ATP8B4: variants seen among roughly 807,000 people sequenced by gnomAD.
The protein encoded by ATP8B4 is ATPase phospholipid transporting 8B4 (putative).
Under a neutral mutation model 145.6 loss-of-function variants are expected in ATP8B4, and 133 were observed. The ratio of observed to expected loss-of-function variants is 0.91; its 90% confidence interval spans 0.79 to 1.05. The LOEUF is 1.05. Ranked by LOEUF, ATP8B4 falls within the 50% of genes least tolerant of loss-of-function variation. The probability of loss-of-function intolerance (pLI) is 0.00; values close to 1 mark genes in which losing one functional copy is unlikely to be tolerated. For synonymous variants in ATP8B4, 507 were observed against 492.9 expected (o/e 1.03, Z -0.38); for missense variants, 1,458 against 1,425.2 (o/e 1.02, Z -0.37).
chr15:49,983,101 T>C (rs2046298319), intron 10 of ATP8B4, among the ~76,000 whole-genome samples: 1 of 152,144 alleles, frequency 6.6e-6, no homozygotes, highest in Non-Finnish European at 1.5e-5. Flanking sequence ...TCTTACTCAA[T>C]CTACCTTCCC....
intron 1 of ATP8B4, among the ~76,000 whole-genome samples, chr15:50,127,951 C>T (rs1285426133): frequency 3.9e-5 from 6 of 152,142 alleles, no homozygotes; most frequent in Non-Finnish European, 8.8e-5. Context: ...GAGTGTGCCC[C>T]AGTCTCAAGG....
rs766567099 is a variant in ATP8B4 at position 50,125,178 on chromosome 15, C to T, written c.-42-18170G>A. ...AGAAAGGAGTAGTAGAACAATGAAC[C>T]CGATCTGGATCAGTTTCAGGGCTAC... On this transcript the variant is annotated intron_variant, in intron 1 of 3. Coordinates refer to the ATP8B4 transcript ENST00000558829. Among the ~76,000 whole-genome samples the T allele has an allele frequency of 6.1e-4, 93 of 152,250 alleles. No homozygotes were observed. The Middle Eastern group carries it at 0.014, about 22-fold the overall frequency.
chr15:49,991,915 C>A (rs2047074101), intron 9 of ATP8B4, among the ~76,000 whole-genome samples: 2 of 152,026 alleles, frequency 1.3e-5, no homozygotes, highest in African/African-American at 4.8e-5. Flanking sequence ...CATTTATTTC[C>A]CTAATCAAGA....
rs2040138927 is a variant in ATP8B4 at position 49,920,311 on chromosome 15, C to T, written c.1858G>A (p.Ala620Thr). ...CGTTCATCCCTCTCTTCTGTGGCAG[C>T]ATTCGCATCTTCAAGCATCTTATGC... ...EWHKMLEDAN[A>T]ATEERDERIA... is the part of the protein sequence containing the mutation. The change falls in exon 18 of 28, where the codon GCT becomes ACT. Residue 620 changes from alanine (A) to threonine (T), a missense_variant. Transcript: ENST00000284509. 6.2e-7 allele frequency: 1 copy of T among 1,614,078 alleles called. No individual in the cohort carries two copies. The highest frequency in any genetic ancestry group is 1.7e-5 in the Admixed American group (1 of 60,008).
intron 1 of ATP8B4, among the ~76,000 whole-genome samples, chr15:50,107,268 G>A (rs2056731188): frequency 6.6e-6 from 1 of 152,188 alleles, no homozygotes; most frequent in African/African-American, 2.4e-5. Flanking sequence ...CATTCAAATT[G>A]AATCAAATAT....
intron 2 of ATP8B4, among the ~76,000 whole-genome samples, chr15:50,075,059 T>C (rs1159812459): frequency 6.6e-6 from 1 of 152,120 alleles, no homozygotes; most frequent in Non-Finnish European, 1.5e-5. Context: ...ATTCCCTTAA[T>C]CCCATAATTC....
chr15:50,046,603 T>G (rs1056990714), intron 4 of ATP8B4, among the ~76,000 whole-genome samples: 1 of 152,246 alleles, frequency 6.6e-6, no homozygotes, highest in Non-Finnish European at 1.5e-5. Flanking sequence ...TCTATTAATC[T>G]AATCCATCTT....
At chr15:50,074,706 G>T (rs2054066244) in intron 2 of ATP8B4, among the ~76,000 whole-genome samples, 1 of 152,202 alleles carries the variant, frequency 6.6e-6, no homozygotes, top group African/African-American at 2.4e-5. Flanking sequence ...ACTGAGAGCT[G>T]CCCTTAGCTG....
At chr15:49,931,433 C>T (rs1175926022) in intron 15 of ATP8B4, 126 bp from the exon 16 acceptor site, 2 of 911,930 alleles carry the variant, frequency 2.2e-6, no homozygotes, top group Non-Finnish European at 3.3e-6. Flanking sequence ...CTTTCCTGTC[C>T]TCAGATCTTT....
intron 7 of ATP8B4, among the ~76,000 whole-genome samples, chr15:50,007,631 A>G (rs2048405228): frequency 6.6e-6 from 1 of 152,164 alleles, no homozygotes. Flanking sequence ...AATTGTTTTC[A>G]TGACCTTCAT....
At chr15:49,873,709 G>T (rs2033981452) in intron 25 of ATP8B4, among the ~76,000 whole-genome samples, 1 of 152,108 alleles carries the variant, frequency 6.6e-6, no homozygotes, top group Non-Finnish European at 1.5e-5. Flanking sequence ...GTACATACAT[G>T]GCCTAAGTTT....
chr15:49,879,737 C>T, intron 23 of ATP8B4: 1 of 283,176 alleles, frequency 3.5e-6, no homozygotes, highest in Non-Finnish European at 6.5e-6. Context: ...GTACCCCTAA[C>T]ATAGTGCGGG....
At chr15:49,861,438 C>G (rs1038088682) in intron 27 of ATP8B4, among the ~76,000 whole-genome samples, 5 of 148,056 alleles carry the variant, frequency 3.4e-5, no homozygotes, top group Admixed American at 6.7e-5. Flanking sequence ...GTCTGTCTGT[C>G]TGTCTGTCTG....
At chr15:49,951,064 T>G (rs984716477) in intron 14 of ATP8B4, among the ~76,000 whole-genome samples, 1 of 93,646 alleles carries the variant, frequency 1.1e-5, no homozygotes, top group Non-Finnish European at 3.1e-5. Flanking sequence ...TGAGAGACTG[T>G]TTTTTTGTGA....
intron 1 of ATP8B4, among the ~76,000 whole-genome samples, chr15:50,145,018 T>C (rs527499984): frequency 2.0e-5 from 3 of 152,334 alleles, no homozygotes; most frequent in Non-Finnish European, 2.9e-5. Flanking sequence ...TGATATTAAA[T>C]AGAACTTTTT....
intron 1 of ATP8B4, among the ~76,000 whole-genome samples, chr15:50,146,014 C>CTTTTTTTT (rs10624735): frequency 7.5e-6 from 1 of 133,466 alleles, no homozygotes; most frequent in Non-Finnish European, 1.6e-5. Context: ...TAAATGTTTA[C>CTTTTTTTT]TTTTTTTTTT....
At chr15:50,117,645 A>G (rs1207782370) in intron 1 of ATP8B4, among the ~76,000 whole-genome samples, 1 of 152,164 alleles carries the variant, frequency 6.6e-6, no homozygotes, top group Non-Finnish European at 1.5e-5. Flanking sequence ...CAGCAATCCC[A>G]CTTCTGGGAA....
chr15:50,002,774 A>G (rs1599740349), intron 7 of ATP8B4, among the ~76,000 whole-genome samples: 1 of 152,162 alleles, frequency 6.6e-6, no homozygotes, highest in Non-Finnish European at 1.5e-5. Flanking sequence ...GAGCTAAGAT[A>G]AAGTAGGGAC....
chr15:49,994,731 C>G (rs1190412017), intron 9 of ATP8B4, among the ~76,000 whole-genome samples: 1 of 151,990 alleles, frequency 6.6e-6, no homozygotes, highest in Non-Finnish European at 1.5e-5. Context: ...AGAAATCCAC[C>G]TAATCCAGCC....
Sources: allele counts gnomAD v4.1 joint callset (sites outside exome capture counted in the v4.1 genomes callset), GRCh38; gene constraint gnomAD v4.1.1; transcripts MANE v1.5; gene names NCBI Gene and HGNC (gene_info 2026-07-23, HGNC 2026-07-21).